CLDN16: variants seen among roughly 807,000 people sequenced by gnomAD.
The protein encoded by CLDN16 is claudin 16.
Under a neutral mutation model 24.6 loss-of-function variants are expected in CLDN16, and 13 were observed. The observed-to-expected ratio is 0.53, with a 90% CI of 0.34 to 0.84. The LOEUF (loss-of-function observed/expected upper bound fraction) is 0.84, where lower values mean the gene tolerates loss of function less well. CLDN16 is among the 40% of genes least tolerant of loss of function. CLDN16 has a pLI of 0.01. For synonymous variants in CLDN16, 116 were observed against 106.7 expected (o/e 1.09, Z -0.54); for missense variants, 298 against 292.7 (o/e 1.02, Z -0.13).
chr3:190,348,729 A>G (rs1717608070), intron 1 of CLDN16, among the ~76,000 whole-genome samples: 1 of 152,190 alleles, frequency 6.6e-6, no homozygotes, highest in African/African-American at 2.4e-5. Context: ...AACTTGTGTC[A>G]TGGGGGTTTG....
At position 190,402,341 on chromosome 3, in the gene CLDN16, G is replaced by A. The variant is rs142152395; in HGVS notation, c.119G>A (p.Ser40Asn). The change falls in exon 2 of 5, where the codon AGC becomes AAC. Residue 40 changes from serine (S) to asparagine (N), a missense_variant. Transcript: ENST00000264734. ...MVNADDSLEV[S>N]TKCRGLWWEC... Reference sequence around the variant, plus strand: ...GGTGTCTTCTCTAACATCTAGGTGAGCACAAAATGCCGAGGCCTCTGGTGG... The same window carrying A: ...GGTGTCTTCTCTAACATCTAGGTGAACACAAAATGCCGAGGCCTCTGGTGG... 8.7e-5 allele frequency: 140 copies of A among 1,613,172 alleles called. No individual in the cohort carries two copies. Among genetic ancestry groups the A allele is most frequent in the Non-Finnish European group, 1.0e-4 (121 of 1,179,326 alleles).
chr3:190,324,506 A>T (rs898352394), intron 1 of CLDN16, among the ~76,000 whole-genome samples: 1 of 152,196 alleles, frequency 6.6e-6, no homozygotes, highest in Non-Finnish European at 1.5e-5. Flanking sequence ...ATAAATAAAT[A>T]AACAAATAAA....
chr3:190,345,347 C>A (rs2108632012), intron 1 of CLDN16, among the ~76,000 whole-genome samples: 1 of 152,232 alleles, frequency 6.6e-6, no homozygotes, highest in Non-Finnish European at 1.5e-5. Context: ...ACCCACTGCA[C>A]CTCAGGAATT....
At chr3:190,375,058 T>C (rs1718219285) in intron 3 of CLDN16, among the ~76,000 whole-genome samples, 1 of 151,986 alleles carries the variant, frequency 6.6e-6, no homozygotes, top group Non-Finnish European at 1.5e-5. Flanking sequence ...TTGTGTGTTA[T>C]TGCAAGGAAT....
At chr3:190,403,956 A>T (rs1719025239) in intron 2 of CLDN16, among the ~76,000 whole-genome samples, 1 of 152,204 alleles carries the variant, frequency 6.6e-6, no homozygotes, top group Non-Finnish European at 1.5e-5. Flanking sequence ...ATACTGTTAT[A>T]TACATTTATG....
At chr3:190,317,291 C>A in the CLDN16 span, among the ~76,000 whole-genome samples, 1 of 152,062 alleles carries the variant, frequency 6.6e-6, no homozygotes, top group Non-Finnish European at 1.5e-5. Context: ...ACTATTTTTT[C>A]TCATCATTAT....
intron 1 of CLDN16, among the ~76,000 whole-genome samples, chr3:190,399,149 A>G (rs9825448): frequency 0.18 from 28,135 of 152,116 alleles, 3,048 homozygotes; most frequent in Middle Eastern, 0.29. Flanking sequence ...ACCCAAAGCT[A>G]TCATCCAATA....
At chr3:190,312,804 A>G in the CLDN16 span, 1 of 1,553,826 alleles carries the variant, frequency 6.4e-7, no homozygotes, top group South Asian at 1.1e-5. Context: ...AATGAATCCA[A>G]CGTAATAGAT....
At chr3:190,391,324 T>C (rs753757962) in intron 1 of CLDN16, among the ~76,000 whole-genome samples, 3 of 151,784 alleles carry the variant, frequency 2.0e-5, no homozygotes, top group Non-Finnish European at 4.4e-5. Context: ...AAAGGAATGA[T>C]GCTACTCCTA....
upstream of CLDN16, chr3:190,387,960 T>G (rs987800504): frequency 8.7e-6 from 6 of 690,272 alleles, no homozygotes; most frequent in Admixed American, 6.4e-5. Context: ...GGTGGGACCC[T>G]TCCTCCTTCC....
At chr3:190,367,014 TA>T (rs1412583143) in intron 1 of CLDN16, among the ~76,000 whole-genome samples, 2 of 151,980 alleles carry the variant, frequency 1.3e-5, no homozygotes, top group Admixed American at 1.3e-4. Context: ...ACAAGATACA[TA>T]AAAACATTCA....
At chr3:190,401,600 G>T (rs907152660) in intron 1 of CLDN16, among the ~76,000 whole-genome samples, 4 of 152,148 alleles carry the variant, frequency 2.6e-5, no homozygotes, top group Non-Finnish European at 5.9e-5. Flanking sequence ...AAGGTTCAGG[G>T]AACTGGTACC....
chr3:190,312,759 G>A, the CLDN16 span: 1 of 1,174,356 alleles, frequency 8.5e-7, no homozygotes, highest in East Asian at 2.3e-5. Context: ...TCAGGTCTAT[G>A]TTTGCAGTTT....
At chr3:190,296,523 G>A in the CLDN16 span, among the ~76,000 whole-genome samples, 10 of 151,800 alleles carry the variant, frequency 6.6e-5, no homozygotes, top group Admixed American at 1.3e-4. Flanking sequence ...GTATGAGGAT[G>A]GGAAAGTAGC....
intron 1 of CLDN16, among the ~76,000 whole-genome samples, chr3:190,336,120 T>G (rs937442799): frequency 2.0e-5 from 3 of 152,102 alleles, no homozygotes; most frequent in African/African-American, 7.2e-5. Context: ...GAAAAAAAAA[T>G]GACTAATCAT....
chr3:190,383,201 G>A (rs945023485), upstream of CLDN16, among the ~76,000 whole-genome samples: 1 of 152,068 alleles, frequency 6.6e-6, no homozygotes, highest in African/African-American at 2.4e-5. Flanking sequence ...TTAACCCCAA[G>A]AAAGGAGTTA....
intron 1 of CLDN16, among the ~76,000 whole-genome samples, chr3:190,338,295 A>G (rs1717354934): frequency 6.6e-6 from 1 of 152,212 alleles, no homozygotes; most frequent in Non-Finnish European, 1.5e-5. Flanking sequence ...TAGTTCTTCA[A>G]GTGGACCAAC....
intron 1 of CLDN16, among the ~76,000 whole-genome samples, chr3:190,362,111 C>G (rs1717902318): frequency 6.6e-6 from 1 of 151,566 alleles, no homozygotes; most frequent in Non-Finnish European, 1.5e-5. Flanking sequence ...TTTGAAGACC[C>G]ATTTTTCTGG....
intron 1 of CLDN16, among the ~76,000 whole-genome samples, chr3:190,359,795 A>G (rs531304481): frequency 6.6e-6 from 1 of 152,134 alleles, no homozygotes; most frequent in Non-Finnish European, 1.5e-5. Flanking sequence ...CTTAAATAAG[A>G]AAGGTAGGTC....
Sources: gnomAD v4.1 joint callset for allele counts (sites outside exome capture counted in the v4.1 genomes callset) on GRCh38, gnomAD v4.1.1 for gene constraint, MANE v1.5 for transcripts, NCBI Gene and HGNC (gene_info 2026-07-23, HGNC 2026-07-21) for gene names.